The following GRM8 variants were observed in gnomAD, a reference collection of about 807,000 sequenced individuals.
GRM8 encodes metabotropic glutamate receptor 8.
In GRM8, 47 loss-of-function variants were observed where a neutral mutation model predicts 87.2. That is an observed-to-expected ratio of 0.54 (90% CI 0.43 to 0.69). The LOEUF (loss-of-function observed/expected upper bound fraction) is 0.69. Among genes scored for constraint, GRM8 ranks in the 30% least tolerant of loss-of-function variants. The pLI is 0.00. For synonymous variants in GRM8, 396 were observed against 404.5 expected, an observed-to-expected ratio of 0.98 and a Z score of 0.25; for missense variants, 1,019 against 1,139.2, an observed-to-expected ratio of 0.89 and a Z score of 1.52.
intron 3 of GRM8, among the ~76,000 whole-genome samples, chr7:127,003,430 G>A (rs533154037): frequency 6.6e-6 from 1 of 151,710 alleles, no homozygotes; most frequent in Non-Finnish European, 1.5e-5. Flanking sequence ...GAATTTTACA[G>A]GTGGCATCCA....
chr7:126,510,822 T>C, intron 9 of GRM8, among the ~76,000 whole-genome samples: 1 of 152,124 alleles, frequency 6.6e-6, no homozygotes, highest in Non-Finnish European at 1.5e-5. Context: ...ATTCCTTCAC[T>C]GCCCTCCATG....
intron 7 of GRM8, among the ~76,000 whole-genome samples, chr7:126,612,543 C>G (rs968292593): frequency 6.6e-6 from 1 of 152,122 alleles, no homozygotes; most frequent in Admixed American, 6.6e-5. Context: ...CATGCAATAT[C>G]GAAGCACTCG....
At chr7:126,575,348 A>AGGG (rs1774496077) in intron 8 of GRM8, among the ~76,000 whole-genome samples, 2 of 151,744 alleles carry the variant, frequency 1.3e-5, no homozygotes, top group East Asian at 1.9e-4. Flanking sequence ...GCAGGAAAAT[A>AGGG]AGCTCAGGGC....
chr7:126,824,842 T>C (rs1794616016), intron 6 of GRM8, among the ~76,000 whole-genome samples: 1 of 152,352 alleles, frequency 6.6e-6, no homozygotes, highest in South Asian at 2.1e-4. Context: ...TCCCATTATA[T>C]TGGCTCTTTC....
At chr7:127,247,486 A>T (rs572075148) in intron 1 of GRM8, among the ~76,000 whole-genome samples, 8 of 152,344 alleles carry the variant, frequency 5.3e-5, no homozygotes, top group Middle Eastern at 3.4e-3. Flanking sequence ...ATCAATTCAT[A>T]TGACTGCTCA....
At chr7:126,747,366 T>C (rs1815816782) in intron 7 of GRM8, among the ~76,000 whole-genome samples, 1 of 152,060 alleles carries the variant, frequency 6.6e-6, no homozygotes, top group Non-Finnish European at 1.5e-5. Context: ...TATTATGCTC[T>C]GTGGTCATGC....
chr7:126,957,175 CTCAA>C (rs899194142), intron 3 of GRM8, among the ~76,000 whole-genome samples: 1 of 152,058 alleles, frequency 6.6e-6, no homozygotes, highest in Non-Finnish European at 1.5e-5. Flanking sequence ...TAAGGAAGAT[CTCAA>C]TCACAGAGTT....
chr7:126,468,805 C>G (rs1804814136), intron 9 of GRM8, among the ~76,000 whole-genome samples: 1 of 152,102 alleles, frequency 6.6e-6, no homozygotes, highest in Non-Finnish European at 1.5e-5. Context: ...TAACGATAAG[C>G]CTCAAGTGAA....
intron 9 of GRM8, among the ~76,000 whole-genome samples, chr7:126,455,222 C>A (rs1345786335): frequency 6.6e-6 from 1 of 151,598 alleles, no homozygotes; most frequent in African/African-American, 2.4e-5. Flanking sequence ...ACGAAGAAGT[C>A]ATTTTTGAGA....
rs567404913 is a variant in GRM8 at position 126,727,256 on chromosome 7, T to C, written c.1357+42609A>G. Among the ~76,000 whole-genome samples, 7 of 152,124 alleles carry C rather than the reference T, an allele frequency of 4.6e-5. No homozygotes were observed. In the South Asian group the frequency reaches 1.2e-3, roughly 27 times the overall value. On this transcript the variant is annotated intron_variant, in intron 7 of 10. Coordinates refer to ENST00000339582, the MANE Select transcript of GRM8 (RefSeq NM_000845.3). Reference sequence around the variant, plus strand: ...AATTCTGTGGGTTGGGTATGACACATTTGAGTGCATTAAGAACATACTTTT... The same window carrying C: ...AATTCTGTGGGTTGGGTATGACACACTTGAGTGCATTAAGAACATACTTTT...
chr7:127,232,817 T>A (rs1797768243), intron 2 of GRM8, among the ~76,000 whole-genome samples: 1 of 152,086 alleles, frequency 6.6e-6, no homozygotes, highest in Non-Finnish European at 1.5e-5. Flanking sequence ...ATGAAAAAGG[T>A]ACTATTATTA....
At chr7:126,675,493 CA>C (rs1806866622) in intron 7 of GRM8, among the ~76,000 whole-genome samples, 1 of 152,072 alleles carries the variant, frequency 6.6e-6, no homozygotes, top group Non-Finnish European at 1.5e-5. Flanking sequence ...AAATCCTCAA[CA>C]AAATACTAGC....
intron 7 of GRM8, among the ~76,000 whole-genome samples, chr7:126,640,953 C>T (rs764341101): frequency 1.3e-5 from 2 of 151,870 alleles, no homozygotes; most frequent in African/African-American, 4.8e-5. Context: ...TACCTCTAAC[C>T]AAGAGGGTGT....
At chr7:127,015,064 G>GAAGAAGAAAGA (rs1554568485) in intron 3 of GRM8, among the ~76,000 whole-genome samples, 3 of 87,834 alleles carry the variant, frequency 3.4e-5, no homozygotes, top group Admixed American at 2.3e-4. Flanking sequence ...AGAAGAAGAA[G>GAAGAAGAAAGA]AAGAAAGAAA....
At chr7:126,919,032 C>T (rs1443772432) in intron 3 of GRM8, among the ~76,000 whole-genome samples, 1 of 151,904 alleles carries the variant, frequency 6.6e-6, no homozygotes, top group East Asian at 1.9e-4. Flanking sequence ...TATAGCTTAA[C>T]CATATATAAC....
intron 6 of GRM8, among the ~76,000 whole-genome samples, chr7:126,805,833 G>A (rs1177215551): frequency 6.6e-6 from 1 of 152,192 alleles, no homozygotes; most frequent in Non-Finnish European, 1.5e-5. Context: ...TCCCAGGGTA[G>A]AGCACAGGCA....
At chr7:126,442,841 C>T (rs1801619320) in intron 10 of GRM8, among the ~76,000 whole-genome samples, 1 of 151,862 alleles carries the variant, frequency 6.6e-6, no homozygotes, top group African/African-American at 2.4e-5. Flanking sequence ...GCTAATTTTC[C>T]TACTGGTTAG....
chr7:126,811,932 T>C (rs980154511), intron 6 of GRM8, among the ~76,000 whole-genome samples: 1 of 152,002 alleles, frequency 6.6e-6, no homozygotes, highest in Non-Finnish European at 1.5e-5. Context: ...ATATTTGTAT[T>C]GTTCCAGTTC....
intron 2 of GRM8, among the ~76,000 whole-genome samples, chr7:127,165,571 C>T (rs1388910628): frequency 6.6e-6 from 1 of 152,004 alleles, no homozygotes; most frequent in African/African-American, 2.4e-5. Flanking sequence ...TAATACTGAC[C>T]TAATTTTTCA....
Sources: gnomAD v4.1 joint callset for allele counts (sites outside exome capture counted in the v4.1 genomes callset) on GRCh38, gnomAD v4.1.1 for gene constraint, MANE v1.5 for transcripts, NCBI Gene and HGNC (gene_info 2026-07-23, HGNC 2026-07-21) for gene names.